Variants in PDE4DIP observed in about 807,000 individuals in gnomAD.
The protein encoded by PDE4DIP is myomegalin.
PDE4DIP carries 59 observed loss-of-function variants against 221.4 expected under a neutral mutation model. The ratio of observed to expected loss-of-function variants is 0.27; its 90% CI spans 0.22 to 0.33. The LOEUF is 0.33. Ranked by LOEUF, PDE4DIP falls within the 10% of genes least tolerant of loss-of-function variation. PDE4DIP has a pLI of 1.00. For missense variants in PDE4DIP, 1,036 were observed against 2,154.2 expected, an observed-to-expected ratio of 0.48 and a Z score of 10.28; for synonymous variants, 404 against 815.9, an observed-to-expected ratio of 0.50 and a Z score of 8.60.
In PDE4DIP at chr1:149,028,627, A is replaced by G. The variant is rs1294358644; in HGVS notation, c.6737A>G (p.Glu2246Gly). 42 of 1,605,328 alleles carry G rather than the reference A, an allele frequency of 2.6e-5. 1 individual carries two copies. In the Admixed American group the frequency reaches 7.0e-4, roughly 27 times the overall value. The change falls in exon 41 of 44, where the codon GAG becomes GGG. Residue 2246 changes from glutamate (E) to glycine (G), a missense_variant. Physicochemically the swap from Glu to Gly is moderately conservative, Grantham distance 98. Coordinates refer to ENST00000369354, the Ensembl canonical transcript of PDE4DIP. ...AGTGCCCTGCACCATGCCCTAGAGGAGTCAGCTTCCCTCCTCACCATGTTC... is the reference window on the plus strand; with the variant it reads ...AGTGCCCTGCACCATGCCCTAGAGGGGTCAGCTTCCCTCCTCACCATGTTC...
chr1:149,029,722 G>A, intron 41 of PDE4DIP, 65 bp from the exon 45 acceptor site: 1 of 789,656 alleles, frequency 1.3e-6, no homozygotes, highest in Non-Finnish European at 2.1e-6. Flanking sequence ...ATTGGAAAGA[G>A]CCACAAAGCA....
At chr1:148,821,025 G>A (rs76573207) in intron 1 of PDE4DIP, among the ~76,000 whole-genome samples, 25,421 of 147,328 alleles carry the variant, frequency 0.17, 2,040 homozygotes, top group African/African-American at 0.37. Context: ...CTAATTTTTC[G>A]TATTTTCAGT....
intron 16 of PDE4DIP, among the ~76,000 whole-genome samples, chr1:148,973,648 A>AT (rs2059627512): frequency 6.6e-6 from 1 of 151,940 alleles, no homozygotes; most frequent in African/African-American, 2.4e-5. Flanking sequence ...GCAGAATACT[A>AT]TAATATGCAA....
Position 149,023,837 on chromosome 1 carries a change from C to T in PDE4DIP, c.6086-608C>T, listed in dbSNP as rs1265543312. On this transcript the variant is annotated intron_variant, in intron 37 of 43. Transcript: ENST00000369354. ...ATATATGTACATGTATATGTGTGCACATATATACACCTATATATAGTATGT... is the reference window on the plus strand; with the variant it reads ...ATATATGTACATGTATATGTGTGCATATATATACACCTATATATAGTATGT... Among the ~76,000 whole-genome samples the T allele has an allele frequency of 3.7e-5, 5 of 134,486 alleles. 1 individual carries two copies. In the East Asian group the frequency reaches 3.4e-3, roughly 92 times the overall value. The allele number at this position is 134,486 out of a possible 152,430, so 88.2% of individuals were successfully genotyped here. A position where few individuals can be genotyped will look rare whatever the true frequency, so the allele number is the denominator to read the frequency against.
At chr1:148,983,942 A>G (rs1286356059) in intron 21 of PDE4DIP, 1 of 152,080 alleles carries the variant, frequency 6.6e-6, no homozygotes, top group Non-Finnish European at 1.5e-5. Flanking sequence ...AATGCAGAGT[A>G]ATGGTTCTAA....
At chr1:149,028,180 G>T (rs1370286435) in intron 40 of PDE4DIP, among the ~76,000 whole-genome samples, 1 of 151,778 alleles carries the variant, frequency 6.6e-6, no homozygotes, top group East Asian at 2.0e-4. Flanking sequence ...CCTCCACGGA[G>T]CCCCCACACT....
At chr1:148,981,584 A>G in intron 21 of PDE4DIP, 187 bp downstream of exon 24, 6 of 635,970 alleles carry the variant, frequency 9.4e-6, no homozygotes, top group Non-Finnish European at 1.6e-5. Flanking sequence ...TACAAAGTGA[A>G]ACTCACTTTA....
At chr1:148,968,721 C>G (rs1318587564) in intron 13 of PDE4DIP, 115 bp from the exon 17 acceptor site, 2 of 646,672 alleles carry the variant, frequency 3.1e-6, no homozygotes, top group Admixed American at 5.8e-5. Flanking sequence ...AAACATGATA[C>G]TTATTCTCAA....
chr1:148,948,467 G>T, intron 5 of PDE4DIP, among the ~76,000 whole-genome samples: 1 of 139,706 alleles, frequency 7.2e-6, no homozygotes, highest in Non-Finnish European at 1.5e-5. Context: ...GTGAGTCTCC[G>T]TCTCAAAAAA....
chr1:148,861,542 G>A (rs1299176834), intron 1 of PDE4DIP, among the ~76,000 whole-genome samples: 16 of 50,556 alleles, frequency 3.2e-4, no homozygotes, highest in East Asian at 1.2e-3. Context: ...GGAGGCTGGG[G>A]CAGGAGAATC....
At chr1:149,023,037 C>T (rs1369167518) in intron 37 of PDE4DIP, among the ~76,000 whole-genome samples, 2 of 152,292 alleles carry the variant, frequency 1.3e-5, no homozygotes, top group African/African-American at 2.4e-5. Context: ...GGGCAAAATT[C>T]AAGAGTAGAT....
chr1:148,926,952 T>G (rs2046851700), intron 1 of PDE4DIP, among the ~76,000 whole-genome samples: 1 of 147,280 alleles, frequency 6.8e-6, no homozygotes, highest in Admixed American at 6.8e-5. Context: ...TATGCGTGTT[T>G]CCATTTGTTA....
At chr1:149,025,624 GT>G in intron 38 of PDE4DIP, 1 of 147,112 alleles carries the variant, frequency 6.8e-6, no homozygotes, top group South Asian at 2.3e-4. Context: ...TTGATACACC[GT>G]TTAGTACACC....
At chr1:148,983,198 A>G (rs2061390340) in intron 21 of PDE4DIP, 1 of 152,120 alleles carries the variant, frequency 6.6e-6, no homozygotes, top group Admixed American at 6.6e-5. Context: ...AGCCGTAGAA[A>G]TGTCAACCCA....
At chr1:149,006,475 CAT>C in intron 27 of PDE4DIP, 1 of 152,224 alleles carries the variant, frequency 6.6e-6, no homozygotes, top group South Asian at 2.1e-4. Flanking sequence ...AGTATCGTAA[CAT>C]AGAAGAAATT....
At chr1:148,917,853 AGGTAGG>A (rs2044469647) in intron 1 of PDE4DIP, among the ~76,000 whole-genome samples, 1 of 145,886 alleles carries the variant, frequency 6.9e-6, no homozygotes, top group Admixed American at 6.8e-5. Flanking sequence ...CAACCCTGAA[AGGTAGG>A]GGTATTAGCA....
chr1:148,933,372 G>T (rs1573720824), intron 4 of PDE4DIP, among the ~76,000 whole-genome samples: 1 of 152,222 alleles, frequency 6.6e-6, no homozygotes, highest in Non-Finnish European at 1.5e-5. Context: ...GTCTGATTGT[G>T]CCAGCTTTGT....
At chr1:148,988,125 T>C (rs587698667) in intron 21 of PDE4DIP, among the ~76,000 whole-genome samples, 2 of 152,242 alleles carry the variant, frequency 1.3e-5, no homozygotes, top group South Asian at 2.1e-4. Flanking sequence ...GAAACAAGTA[T>C]TCAGAAATGA....
intron 1 of PDE4DIP, among the ~76,000 whole-genome samples, chr1:148,859,792 T>TTGTGTGTGTGTGTG (rs3978545): frequency 1.8e-5 from 2 of 113,070 alleles, no homozygotes; most frequent in Non-Finnish European, 3.7e-5. Context: ...TATTACCACT[T>TTGTGTGTGTGTGTG]TGTGTGTGTG....
Sources: gnomAD v4.1 joint callset for allele counts (sites outside exome capture counted in the v4.1 genomes callset) on GRCh38, gnomAD v4.1.1 for gene constraint, MANE v1.5 for transcripts, NCBI Gene and HGNC (gene_info 2026-07-23, HGNC 2026-07-21) for gene names.